Variants in GATB observed in about 807,000 individuals in gnomAD.
The protein encoded by GATB is glutamyl-tRNA(Gln) amidotransferase subunit B, mitochondrial.
In GATB, 39 loss-of-function variants were observed where a neutral mutation model predicts 62.3. The observed-to-expected ratio is 0.63, with a 90% CI of 0.48 to 0.82. The LOEUF is 0.82. Ranked by LOEUF, GATB falls within the 40% of genes least tolerant of loss-of-function variation. The probability of loss-of-function intolerance (pLI) is 0.00; values close to 1 mark genes in which losing one functional copy is unlikely to be tolerated. For synonymous variants in GATB, 276 were observed against 258.9 expected (o/e 1.07, Z -0.63); for missense variants, 670 against 684.0 (o/e 0.98, Z 0.23).
At chr4:151,695,959 A>G (rs1189009428) in intron 9 of GATB, among the ~76,000 whole-genome samples, 18 of 91,082 alleles carry the variant, frequency 2.0e-4, no homozygotes, top group Non-Finnish European at 3.1e-4. Flanking sequence ...TTTTGTAGAG[A>G]TAGGGGTCTC....
intron 2 of GATB, among the ~76,000 whole-genome samples, chr4:151,732,690 C>T (rs1456031852): frequency 2.1e-4 from 30 of 141,016 alleles, no homozygotes; most frequent in Non-Finnish European, 3.2e-4. Context: ...TCCCCCTCTG[C>T]GAGAAACACC....
chr4:151,756,178 C>A (rs181887545), intron 2 of GATB, among the ~76,000 whole-genome samples: 37 of 152,314 alleles, frequency 2.4e-4, no homozygotes, highest in Admixed American at 3.9e-4. Context: ...CAAGTATCAT[C>A]ATGAATCACA....
In GATB at chr4:151,671,160, G is replaced by T. The variant is rs1395466957; in HGVS notation, c.*14C>A. The T allele has an allele frequency of 3.1e-6, 5 of 1,613,950 alleles. No individual in the cohort carries two copies. The highest frequency in any genetic ancestry group is 1.7e-5 in the Admixed American group (1 of 60,004). ...GTTTGTTGTTGTCCCTTGGGCAAGG[G>T]GATCCCAAACATCTCACAATGACAG... On this transcript the variant is annotated 3_prime_UTR_variant, in exon 13 of 13. Coordinates refer to ENST00000263985, the MANE Select transcript of GATB (RefSeq NM_004564.3).
chr4:151,706,529 A>G (rs1206190880), intron 6 of GATB, among the ~76,000 whole-genome samples: 1 of 152,218 alleles, frequency 6.6e-6, no homozygotes, highest in African/African-American at 2.4e-5. Flanking sequence ...GGCTTTGGGA[A>G]CATGGGCTAT....
chr4:151,695,964 G>T (rs929580733), intron 9 of GATB, among the ~76,000 whole-genome samples: 3 of 136,090 alleles, frequency 2.2e-5, no homozygotes, highest in African/African-American at 8.8e-5. Context: ...TAGAGATAGG[G>T]GTCTCACTAC....
rs146299930 is a variant in GATB, at chr4:151,726,142, G to C, written c.328-6604C>G. Among the ~76,000 whole-genome samples, 251 of 152,272 alleles carry C rather than the reference G, an allele frequency of 1.6e-3. 1 individual carries two copies. The highest frequency in any genetic ancestry group is 2.5e-3 in the Non-Finnish European group (173 of 68,024). On this transcript the variant is annotated intron_variant, in intron 2 of 12. Transcript: ENST00000263985. ...AGCATGGTAAATGCTTTAATTTATG[G>C]AGAGAAAGCAATTAAGATTTATTAA...
At position 151,670,662 on chromosome 4, in the gene GATB, C is replaced by T. The variant is rs1737833358; in HGVS notation, c.*512G>A. 6.5e-6 allele frequency: 1 copy of T among 153,020 alleles called. No individual in the cohort carries two copies. Among genetic ancestry groups the T allele is most frequent in the Non-Finnish European group, 1.5e-5 (1 of 68,596 alleles). 9.5% of individuals were successfully genotyped at this position (153,020 alleles called of 1,614,324 possible). ...CCTTAAACAAACAAATGTGTTTATACTGTGCCAGTTTATTTGGTTGTATTT... is the reference window on the plus strand; with the variant it reads ...CCTTAAACAAACAAATGTGTTTATATTGTGCCAGTTTATTTGGTTGTATTT... On this transcript the variant is annotated 3_prime_UTR_variant, in exon 13 of 13. Coordinates refer to ENST00000263985, the MANE Select transcript of GATB (RefSeq NM_004564.3).
chr4:151,707,851 C>A, intron 6 of GATB, 137 bp downstream of exon 6: 1 of 622,424 alleles, frequency 1.6e-6, no homozygotes, highest in East Asian at 2.8e-5. Flanking sequence ...ATGAGTGAGC[C>A]GACACAGGAC....
chr4:151,708,063 G>A lies in GATB; in HGVS notation c.802C>T (p.His268Tyr). ...LRVDANISVH[H>Y]PGEPLGVRTE... ...CGAACGCCCAAAGGCTCCCCAGGGT[G>A]ATGCACGGATATATTGGCATCCACT... The change falls in exon 6 of 13, where the codon CAC becomes TAC. Residue 268 changes from histidine (H) to tyrosine (Y), a missense_variant. Coordinates refer to ENST00000263985, the MANE Select transcript of GATB (RefSeq NM_004564.3). 6.2e-7 allele frequency: 1 copy of A among 1,614,072 alleles called. No individual in the cohort carries two copies. The highest frequency in any genetic ancestry group is 2.2e-5 in the East Asian group (1 of 44,888).
chr4:151,746,225 C>A (rs1043179085), intron 2 of GATB, among the ~76,000 whole-genome samples: 1 of 152,226 alleles, frequency 6.6e-6, no homozygotes, highest in African/African-American at 2.4e-5. Context: ...TGGGTTTGCA[C>A]ATGCATAAAT....
chr4:151,727,850 C>T (rs1739166768), intron 2 of GATB, among the ~76,000 whole-genome samples: 1 of 152,140 alleles, frequency 6.6e-6, no homozygotes, highest in African/African-American at 2.4e-5. Flanking sequence ...TTATTAAATG[C>T]AAAGTGCCTA....
chr4:151,670,946 TG>T lies in GATB; in HGVS notation c.*227del. ...CTGCTGCAGCCTCACCGGACCCTCCTGATGTGGATGAAGCAGGCGGGGTGGC... is the reference window on the plus strand; with the variant it reads ...CTGCTGCAGCCTCACCGGACCCTCCTATGTGGATGAAGCAGGCGGGGTGGC... On this transcript the variant is annotated 3_prime_UTR_variant, in exon 13 of 13. Transcript: ENST00000263985. 1 of 536,748 alleles carries T rather than the reference TG, an allele frequency of 1.9e-6. No individual in the cohort carries two copies. Among genetic ancestry groups the T allele is most frequent in the Non-Finnish European group, 3.3e-6 (1 of 301,266 alleles). 33.2% of individuals were successfully genotyped at this position (536,748 alleles called of 1,614,324 possible). A position where few individuals can be genotyped will look rare whatever the true frequency, so the allele number is the denominator to read the frequency against.
chr4:151,721,744 G>A lies in GATB; in HGVS notation c.328-2206C>T, dbSNP rs144114728. On this transcript the variant is annotated intron_variant, in intron 2 of 12. Transcript: ENST00000263985. ...CTCATTTCAAGCTTCTTTGCCCCTG[G>A]GACCAAGCTGCTTCCTCCTGCTAGG... The A allele has an allele frequency of 2.2e-3, 343 of 157,182 alleles. 1 individual carries two copies. Among genetic ancestry groups the A allele is most frequent in the African/African-American group, 8.1e-3 (336 of 41,626 alleles). 9.7% of individuals were successfully genotyped at this position (157,182 alleles called of 1,614,324 possible).
chr4:151,710,621 T>C (rs776074673), intron 5 of GATB, among the ~76,000 whole-genome samples: 71 of 152,198 alleles, frequency 4.7e-4, no homozygotes, highest in Middle Eastern at 3.2e-3. Flanking sequence ...TGTCTTCACC[T>C]ACTGGACGCC....
chr4:151,703,777 T>C lies in GATB; in HGVS notation c.1007+74A>G, dbSNP rs566948437. ...CTAAAAATTGTTCAGGATCATTATG[T>C]TGAACTTTAAATGAACTTGAAATAC... On this transcript the variant is annotated intron_variant, in intron 8 of 12. Transcript: ENST00000263985. 2.2e-4 allele frequency: 231 copies of C among 1,037,824 alleles called. 2 individuals are homozygous for C. In the South Asian group the frequency reaches 2.8e-3, roughly 13 times the overall value. 64.3% of individuals were successfully genotyped at this position (1,037,824 alleles called of 1,614,324 possible).
chr4:151,717,725 T>A (rs954725976), intron 3 of GATB, among the ~76,000 whole-genome samples: 1 of 152,038 alleles, frequency 6.6e-6, no homozygotes, highest in Non-Finnish European at 1.5e-5. Context: ...TGCTTCTAAG[T>A]GGAAAGGAAG....
At chr4:151,733,366 T>C (rs931106343) in intron 2 of GATB, among the ~76,000 whole-genome samples, 13 of 152,220 alleles carry the variant, frequency 8.5e-5, no homozygotes, top group African/African-American at 2.9e-4. Flanking sequence ...CTAGAAAACC[T>C]AGAAGAGATG....
At chr4:151,728,526 A>T (rs28540221) in intron 2 of GATB, among the ~76,000 whole-genome samples, 306 of 152,284 alleles carry the variant, frequency 2.0e-3, no homozygotes, top group Non-Finnish European at 2.5e-3. Flanking sequence ...TAACTTTTTT[A>T]AAAAAAGTAT....
rs184280013 is a variant in GATB at position 151,725,433 on chromosome 4, T to C, written c.328-5895A>G. On this transcript the variant is annotated intron_variant, in intron 2 of 12. Coordinates refer to ENST00000263985, the MANE Select transcript of GATB (RefSeq NM_004564.3). ...TACAGTTCTATGTTCATTTCTGTCC[T>C]TTTTTCTTTTGATAAATAAACAGCT... Among the ~76,000 whole-genome samples the C allele has an allele frequency of 3.5e-4, 53 of 152,364 alleles. No individual in the cohort carries two copies. The East Asian group carries it at 8.3e-3, about 24-fold the overall frequency.
Sources: gnomAD v4.1 joint callset for allele counts (sites outside exome capture counted in the v4.1 genomes callset) on GRCh38, gnomAD v4.1.1 for gene constraint, MANE v1.5 for transcripts, NCBI Gene and HGNC (gene_info 2026-07-23, HGNC 2026-07-21) for gene names.